BDP1: variants seen among roughly 807,000 people sequenced by gnomAD.
BDP1 encodes transcription factor TFIIIB component B'' homolog.
BDP1 carries 169 observed loss-of-function variants against 266.6 expected under a neutral mutation model. The ratio of observed to expected loss-of-function variants is 0.63; its 90% CI spans 0.56 to 0.72. BDP1 has a LOEUF of 0.72. Ranked by LOEUF, BDP1 falls within the 30% of genes least tolerant of loss-of-function variation. BDP1 has a pLI of 0.00. For missense variants in BDP1, 3,015 were observed against 3,053.8 expected (o/e 0.99, Z 0.30); for synonymous variants, 1,090 against 1,022.4 (o/e 1.07, Z -1.26).
intron 22 of BDP1, 139 bp from the exon 23 acceptor site, chr5:71,522,150 G>A (rs1765525816): frequency 6.3e-6 from 4 of 638,960 alleles, no homozygotes; most frequent in African/African-American, 1.9e-5. Context: ...CATTTTACAT[G>A]CTTGATTTTA....
In BDP1 at chr5:71,455,946, A is replaced by G. The variant is rs910048437; in HGVS notation, c.69A>G (p.Thr23=). ...VRPGVGARGS[T]ASNPQRGRES... ...CTGGTGTAGGCGCCAGGGGCTCCAC[A>G]GCTTCCAATCCCCAGCGTGGACGGG... Residue 23 remains threonine (T), a synonymous_variant, in exon 1 of 39, where the codon ACA becomes ACG. Transcript: ENST00000358731. 2 of 1,612,642 alleles carry G rather than the reference A, an allele frequency of 1.2e-6. No individual in the cohort carries two copies. The highest frequency in any genetic ancestry group is 1.7e-6 in the Non-Finnish European group (2 of 1,179,634).
At chr5:71,525,872 C>A (rs1334285903) in intron 25 of BDP1, among the ~76,000 whole-genome samples, 2 of 151,940 alleles carry the variant, frequency 1.3e-5, no homozygotes, top group African/African-American at 4.8e-5. Flanking sequence ...CTGCTCACTT[C>A]TCAGATGGGG....
intron 9 of BDP1, among the ~76,000 whole-genome samples, chr5:71,489,191 CAT>C (rs1295930739): frequency 2.0e-5 from 3 of 152,130 alleles, no homozygotes; most frequent in Admixed American, 6.5e-5. Flanking sequence ...AAATTTTTCA[CAT>C]GACTACATAT....
In BDP1 at chr5:71,512,480, G is replaced by A. The variant is rs148039997; in HGVS notation, c.4247+52G>A. On this transcript the variant is annotated intron_variant, in intron 18 of 38. Transcript: ENST00000358731. ...ATATTAAGTTATAGTTGCAGATTACGTTAAACTAAGTGAGGTTTCAAGATA... is the reference window on the plus strand; with the variant it reads ...ATATTAAGTTATAGTTGCAGATTACATTAAACTAAGTGAGGTTTCAAGATA... 721 of 1,194,048 alleles carry A rather than the reference G, an allele frequency of 6.0e-4. 4 individuals are homozygous for A. The African/African-American group carries it at 9.9e-3, about 16-fold the overall frequency. The allele number at this position is 1,194,048 out of a possible 1,614,324, so 74.0% of individuals were successfully genotyped here. A position where few individuals can be genotyped will look rare whatever the true frequency, so the allele number is the denominator to read the frequency against.
chr5:71,523,136 C>G (rs906542662), intron 24 of BDP1, among the ~76,000 whole-genome samples, 187 bp downstream of exon 24: 2 of 152,102 alleles, frequency 1.3e-5, no homozygotes, highest in Non-Finnish European at 2.9e-5. Context: ...GAGTCACAAA[C>G]ACAAATAAAG....
chr5:71,504,549 G>T, intron 15 of BDP1, 72 bp from the exon 16 acceptor site: 1 of 1,337,342 alleles, frequency 7.5e-7, no homozygotes, highest in South Asian at 1.4e-5. Context: ...ACTTAAATTG[G>T]ACATTTTCAA....
intron 34 of BDP1, among the ~76,000 whole-genome samples, chr5:71,552,405 A>G (rs1168529747): frequency 1.4e-4 from 22 of 152,104 alleles, no homozygotes; most frequent in Non-Finnish European, 2.8e-4. Context: ...GGCTCCTCAC[A>G]TCCCAGACGA....
chr5:71,483,874 A>C lies in BDP1; in HGVS notation c.1047A>C (p.Gly349=). 1 of 1,611,326 alleles carries C rather than the reference A, an allele frequency of 6.2e-7. No homozygotes were observed. Among genetic ancestry groups the C allele is most frequent in the Non-Finnish European group, 8.5e-7 (1 of 1,177,938 alleles). Residue 349 remains glycine, a synonymous_variant, in exon 8 of 39, where the codon GGA becomes GGC. Coordinates refer to ENST00000358731, the MANE Select transcript of BDP1 (RefSeq NM_018429.3). The stretch of plus-strand genomic sequence containing the variant: ...TTAAACGGGAAGAGAAAACAAATGG[A>C]TGGAGAATAGACAAAGCATTCCGTA... ...NKFKREEKTN[G]WRIDKAFQEK... is the part of the protein sequence containing the mutation.
At chr5:71,526,316 C>CT (rs35458822) in intron 25 of BDP1, among the ~76,000 whole-genome samples, 65,648 of 147,636 alleles carry the variant, frequency 0.44, 14,678 homozygotes, top group South Asian at 0.55. Flanking sequence ...AAGGGACATA[C>CT]TTTTTTTTTT....
chr5:71,510,568 G>A lies in BDP1; in HGVS notation c.3476G>A (p.Gly1159Asp), dbSNP rs376365878. 35 of 1,613,806 alleles carry A rather than the reference G, an allele frequency of 2.2e-5. No homozygotes were observed. The highest frequency in any genetic ancestry group is 2.8e-5 in the Non-Finnish European group (33 of 1,180,020). The stretch of plus-strand genomic sequence containing the variant: ...AGAGAAATATCCCCAGAGGAAAATG[G>A]CCCAGAGGAGGTCAAGCCTGTAGAT... ...GRREISPEENGPEEVKPVDEM... is the reference protein window; with the variant it reads ...GRREISPEENDPEEVKPVDEM... The change falls in exon 17 of 39, where the codon GGC becomes GAC. Residue 1159 changes from glycine (G) to aspartate (D), a missense_variant. Physicochemically the swap from Gly to Asp is moderately conservative, Grantham distance 94. Transcript: ENST00000358731.
Position 71,511,025 on chromosome 5 carries a change from T to C in BDP1, c.3933T>C (p.Thr1311=), listed in dbSNP as rs1410853265. ...TEEKVAELKQ[T]GKTDISPREN... is the part of the protein sequence containing the mutation. ...AAAAGGTGGCAGAATTGAAACAAAC[T>C]GGAAAAACAGACATTTCTCCAAGGG... Residue 1311 remains threonine (T), a synonymous_variant, in exon 17 of 39, where the codon ACT becomes ACC. Coordinates refer to ENST00000358731, the MANE Select transcript of BDP1 (RefSeq NM_018429.3). 4 of 1,614,062 alleles carry C rather than the reference T, an allele frequency of 2.5e-6. No individual in the cohort carries two copies. Among genetic ancestry groups the C allele is most frequent in the Non-Finnish European group, 3.4e-6 (4 of 1,179,992 alleles).
Position 71,464,110 on chromosome 5 carries a change from A to C in BDP1, c.652A>C (p.Thr218Pro). The C allele has an allele frequency of 6.4e-7, 1 of 1,566,070 alleles. No individual in the cohort carries two copies. Among genetic ancestry groups the C allele is most frequent in the South Asian group, 1.2e-5 (1 of 84,554 alleles). Residue 218 changes from threonine to proline, a missense_variant, in exon 4 of 39, where the codon ACA becomes CCA. Thr to Pro is a conservative substitution (Grantham distance 38). This residue lies in a region of BDP1 where 2,383 missense variants were observed against 2,404.9 expected (regional missense o/e 0.99). Coordinates refer to ENST00000358731, the MANE Select transcript of BDP1 (RefSeq NM_018429.3). Reference sequence around the variant, plus strand: ...TGAAAAGCCATCGACTCCAGTCCAGACAAGAGAGTAAGTATTTTATTTTTG... The same window carrying C: ...TGAAAAGCCATCGACTCCAGTCCAGCCAAGAGAGTAAGTATTTTATTTTTG... ...KTEKPSTPVQ[T>P]REQEGKSTPN...
chr5:71,488,767 G>A (rs1251105699), intron 9 of BDP1, among the ~76,000 whole-genome samples: 2 of 150,454 alleles, frequency 1.3e-5, no homozygotes, highest in Admixed American at 1.3e-4. Context: ...GAGTGCAATG[G>A]TGCGATCTTG....
At position 71,509,583 on chromosome 5, in the gene BDP1, G is replaced by A. The variant is rs1764779644; in HGVS notation, c.2491G>A (p.Glu831Lys). The A allele has an allele frequency of 1.2e-6, 2 of 1,613,716 alleles. No homozygotes were observed. Among genetic ancestry groups the A allele is most frequent in the Admixed American group, 1.7e-5 (1 of 59,928 alleles). The change falls in exon 17 of 39, where the codon GAA (glutamate) becomes AAA (lysine). Residue 831 changes from glutamate (E) to lysine (K), a missense_variant. Glu to Lys is a moderately conservative substitution (Grantham distance 56). Around this residue, in one of 3 missense-constraint regions of BDP1, gnomAD observed 2,383 missense variants for 2,404.9 expected, o/e 0.99. Transcript: ENST00000358731. ...GTGRREISSK[E>K]EVLEKILVSG... ...TGGAAGGAGAGAAATTTCCTCAAAG[G>A]AAGAGGTACTAGAGAAGATTCTTGT... is the stretch of plus-strand genomic sequence containing the variant.
chr5:71,499,846 CAA>C (rs780518764), intron 13 of BDP1, among the ~76,000 whole-genome samples: 44 of 152,122 alleles, frequency 2.9e-4, no homozygotes, highest in Middle Eastern at 3.2e-3. Flanking sequence ...CTCAAGGAAA[CAA>C]AGTATAAATT....
At chr5:71,464,564 C>T (rs1405523618) in intron 4 of BDP1, among the ~76,000 whole-genome samples, 1 of 151,838 alleles carries the variant, frequency 6.6e-6, no homozygotes, top group African/African-American at 2.4e-5. Flanking sequence ...ATTTTTGAGA[C>T]AGGATGTTGC....
chr5:71,561,246 A>G (rs530954594), intron 37 of BDP1, among the ~76,000 whole-genome samples: 1 of 152,176 alleles, frequency 6.6e-6, no homozygotes, highest in Non-Finnish European at 1.5e-5. Context: ...TACTAAAAAT[A>G]TAAAATTAGC....
intron 38 of BDP1, 136 bp downstream of exon 38, chr5:71,562,656 A>G: frequency 6.8e-7 from 1 of 1,475,102 alleles, no homozygotes; most frequent in Non-Finnish European, 9.2e-7. Context: ...CCTTCTCTCC[A>G]TCGTGTTCCT....
intron 37 of BDP1, 63 bp downstream of exon 37, chr5:71,560,300 G>A: frequency 1.3e-6 from 2 of 1,498,816 alleles, no homozygotes; most frequent in East Asian, 4.5e-5. Context: ...AACCTATACA[G>A]AACAGATTAG....
Sources: gnomAD v4.1 joint callset for allele counts (sites outside exome capture counted in the v4.1 genomes callset) on GRCh38, gnomAD v4.1.1 for gene constraint, gnomAD v4.1.1 regional missense constraint, MANE v1.5 for transcripts, NCBI Gene and HGNC (gene_info 2026-07-23, HGNC 2026-07-21) for gene names.